Variants in GABRB3 observed in about 807,000 individuals in gnomAD.
GABRB3 encodes the protein gamma-aminobutyric acid receptor subunit beta-3.
A neutral mutation model predicts 52.1 loss-of-function variants in GABRB3; 14 were observed. The ratio of observed to expected loss-of-function variants is 0.27; its 90% CI spans 0.18 to 0.42. The LOEUF (loss-of-function observed/expected upper bound fraction) is 0.42, where lower values mean the gene tolerates loss of function less well. Among genes scored for constraint, GABRB3 ranks in the 10% least tolerant of loss-of-function variants. The pLI is 1.00. For synonymous variants in GABRB3, 260 were observed against 232.3 expected (o/e 1.12, Z -1.08); for missense variants, 307 against 609.1 (o/e 0.50, Z 5.22).
At chr15:26,617,314 A>G (rs1050663611) in intron 4 of GABRB3, among the ~76,000 whole-genome samples, 8 of 152,276 alleles carry the variant, frequency 5.3e-5, no homozygotes, top group Admixed American at 5.2e-4. Flanking sequence ...AGCTTATCCA[A>G]CATGATAAAG....
At chr15:26,685,251 G>C (rs1484606323) in intron 3 of GABRB3, among the ~76,000 whole-genome samples, 1 of 152,146 alleles carries the variant, frequency 6.6e-6, no homozygotes. Context: ...CTCTCAGCTC[G>C]TCTTCTCAGT....
chr15:26,602,348 T>C (rs1272504556), intron 4 of GABRB3, among the ~76,000 whole-genome samples: 1 of 152,020 alleles, frequency 6.6e-6, no homozygotes, highest in Non-Finnish European at 1.5e-5. Flanking sequence ...ATTGGACAAA[T>C]CTCCCCGATA....
At chr15:26,553,970 G>T (rs1289182452) in intron 8 of GABRB3, among the ~76,000 whole-genome samples, 37 of 134,324 alleles carry the variant, frequency 2.8e-4, no homozygotes, top group African/African-American at 9.6e-4. Flanking sequence ...AAATACCAGG[G>T]CTCAAGTGAT....
chr15:26,562,502 A>G (rs939077898), intron 7 of GABRB3, among the ~76,000 whole-genome samples: 3 of 152,224 alleles, frequency 2.0e-5, no homozygotes, highest in African/African-American at 7.2e-5. Flanking sequence ...GCCAAGAGGT[A>G]GTGCCAGCCC....
chr15:26,706,041 T>G (rs757567760), intron 3 of GABRB3, among the ~76,000 whole-genome samples: 11 of 152,160 alleles, frequency 7.2e-5, no homozygotes, highest in African/African-American at 2.7e-4. Flanking sequence ...TTCCCCTGAC[T>G]GTAAAGTTAA....
chr15:26,642,373 T>C (rs946483717), intron 3 of GABRB3: 4 of 745,888 alleles, frequency 5.4e-6, no homozygotes, highest in Admixed American at 2.7e-5. Context: ...ATGGGGGTGG[T>C]CCTGGAACCA....
intron 3 of GABRB3, among the ~76,000 whole-genome samples, chr15:26,731,619 A>G (rs1379446868): frequency 6.6e-6 from 1 of 152,138 alleles, no homozygotes; most frequent in African/African-American, 2.4e-5. Flanking sequence ...TTTATAAGAT[A>G]ATGGCCTTCC....
chr15:26,562,388 G>A (rs985759029), intron 7 of GABRB3, among the ~76,000 whole-genome samples: 1 of 152,158 alleles, frequency 6.6e-6, no homozygotes, highest in East Asian at 1.9e-4. Context: ...AGGTTCCTCC[G>A]CATTGCTTTG....
intron 3 of GABRB3, among the ~76,000 whole-genome samples, chr15:26,674,021 A>T (rs965192151): frequency 4.6e-5 from 7 of 152,016 alleles, no homozygotes; most frequent in African/African-American, 1.5e-4. Flanking sequence ...GAGTGTGTAC[A>T]TTAATGTATT....
chr15:26,625,510 T>C (rs1163865904), intron 3 of GABRB3: 2 of 985,080 alleles, frequency 2.0e-6, no homozygotes, highest in African/African-American at 1.7e-5. Flanking sequence ...GGAGAGTCTG[T>C]CAGAGTTTTG....
intron 3 of GABRB3, among the ~76,000 whole-genome samples, chr15:26,742,045 G>T (rs922468005): frequency 3.3e-5 from 5 of 152,058 alleles, no homozygotes; most frequent in African/African-American, 4.8e-5. Flanking sequence ...AAAGTACGCG[G>T]TTTTTTTTAT....
chr15:26,647,135 AC>A (rs767444601), intron 3 of GABRB3, among the ~76,000 whole-genome samples: 1 of 152,144 alleles, frequency 6.6e-6, no homozygotes, highest in Non-Finnish European at 1.5e-5. Flanking sequence ...GAGCCACTGC[AC>A]CCAGCCTCAT....
chr15:26,693,615 C>G (rs1381817978), intron 3 of GABRB3, among the ~76,000 whole-genome samples: 2 of 152,186 alleles, frequency 1.3e-5, no homozygotes, highest in East Asian at 1.9e-4. Flanking sequence ...GAAAAAAAAG[C>G]TGAACAAACA....
At chr15:26,751,681 G>C (rs975770784) in intron 3 of GABRB3, among the ~76,000 whole-genome samples, 1 of 151,806 alleles carries the variant, frequency 6.6e-6, no homozygotes, top group African/African-American at 2.4e-5. Context: ...CTCATAAGGG[G>C]GTCCTTTATG....
At chr15:26,604,143 A>T (rs950508299) in intron 4 of GABRB3, among the ~76,000 whole-genome samples, 2 of 152,118 alleles carry the variant, frequency 1.3e-5, no homozygotes, top group Non-Finnish European at 2.9e-5. Context: ...TCTAAAAAAG[A>T]AATTTAAAAA....
At chr15:26,567,203 T>C (rs1890211509) in intron 7 of GABRB3, among the ~76,000 whole-genome samples, 2 of 152,202 alleles carry the variant, frequency 1.3e-5, no homozygotes, top group Non-Finnish European at 2.9e-5. Context: ...TGCTGTAATA[T>C]TTGACTATTT....
chr15:26,548,159 G>A, intron 8 of GABRB3, 25 bp from the exon 9 acceptor site: 1 of 1,569,214 alleles, frequency 6.4e-7, no homozygotes. Context: ...AATGCACATG[G>A]TTAGACAGCC....
At chr15:26,599,453 G>T (rs8037653) in intron 4 of GABRB3, among the ~76,000 whole-genome samples, 122,075 of 152,066 alleles carry the variant, frequency 0.8, 50,759 homozygotes, top group East Asian at 1. Context: ...ATAGCAAAAG[G>T]GCCCAGCCAG....
At chr15:26,660,170 C>G (rs962380853) in intron 3 of GABRB3, among the ~76,000 whole-genome samples, 3 of 150,512 alleles carry the variant, frequency 2.0e-5, no homozygotes, top group Non-Finnish European at 4.4e-5. Flanking sequence ...GTGGAGGTTG[C>G]GGTGAGTCGA....
Sources: gnomAD v4.1 joint callset for allele counts (sites outside exome capture counted in the v4.1 genomes callset) on GRCh38, gnomAD v4.1.1 for gene constraint, MANE v1.5 for transcripts, NCBI Gene and HGNC (gene_info 2026-07-23, HGNC 2026-07-21) for gene names.